The following CHCHD6 variants were observed in gnomAD, a reference collection of about 807,000 sequenced individuals.
CHCHD6 encodes the protein MICOS complex subunit MIC25.
In CHCHD6, 28 loss-of-function variants were observed where a neutral mutation model predicts 32.3. That is an observed-to-expected ratio of 0.87 (90% CI 0.64 to 1.19). CHCHD6 has a LOEUF of 1.19. Among genes scored for constraint, CHCHD6 ranks in the 50% most tolerant of loss-of-function variants. The probability of loss-of-function intolerance (pLI) is 0.00; values close to 1 mark genes in which losing one functional copy is unlikely to be tolerated. For missense variants in CHCHD6, 333 were observed against 307.0 expected (o/e 1.08, Z -0.63); for synonymous variants, 122 against 117.5 (o/e 1.04, Z -0.25).
intron 5 of CHCHD6, among the ~76,000 whole-genome samples, chr3:126,891,636 G>A (rs1576562937): frequency 6.6e-6 from 1 of 152,194 alleles, no homozygotes; most frequent in South Asian, 2.1e-4. Flanking sequence ...AGATCCATTA[G>A]GAGGTGGCTG....
At chr3:126,816,204 C>T (rs1269998608) in intron 4 of CHCHD6, among the ~76,000 whole-genome samples, 1 of 152,126 alleles carries the variant, frequency 6.6e-6, no homozygotes, top group Admixed American at 6.6e-5. Flanking sequence ...TTAATGATAT[C>T]TCCCTTAGCA....
At chr3:126,737,449 A>G (rs1391545640) in intron 4 of CHCHD6, among the ~76,000 whole-genome samples, 2 of 147,626 alleles carry the variant, frequency 1.4e-5, no homozygotes, top group African/African-American at 2.5e-5. Context: ...CATACTCTGT[A>G]TTCCTGTTAT....
At position 126,737,390 on chromosome 3, in the gene CHCHD6, G is replaced by GTATATATATATATATATA. The variant is rs60896630; in HGVS notation, c.411+4180_411+4197dup. 1.8e-4 allele frequency among the ~76,000 whole-genome samples: 24 copies of GTATATATATATATATATA among 132,628 alleles called. 1 individual carries two copies. The highest frequency in any genetic ancestry group is 3.3e-4 in the African/African-American group (12 of 36,494). The allele number at this position is 132,628 out of a possible 152,430, so 87.0% of individuals were successfully genotyped here. On this transcript the variant is annotated intron_variant, in intron 4 of 7. Transcript: ENST00000290913. ...TCTTTTATTATTTTATGATGTGTGA[G>GTATATATATATATATATA]TATATATATATATATATATATATAT... is the stretch of plus-strand genomic sequence containing the variant.
chr3:126,733,179 G>A lies in CHCHD6; in HGVS notation c.368G>A (p.Gly123Asp), dbSNP rs1559811214. The change falls in exon 4 of 8, where the codon GGC becomes GAC. Residue 123 changes from glycine to aspartate, a missense_variant. Coordinates refer to ENST00000290913, the MANE Select transcript of CHCHD6 (RefSeq NM_032343.3). ...CACTCCAAGGCATCCCTGCCCACGG[G>A]CGAAGGCAGCATCAGCCATGAGGAG... Reference protein sequence around the residue: ...TKHSKASLPTGEGSISHEEQK... With the variant: ...TKHSKASLPTDEGSISHEEQK... 2.5e-6 allele frequency: 4 copies of A among 1,614,184 alleles called. No individual in the cohort carries two copies. The highest frequency in any genetic ancestry group is 1.7e-5 in the Admixed American group (1 of 60,024).
intron 6 of CHCHD6, among the ~76,000 whole-genome samples, chr3:126,942,066 G>C (rs559757728): frequency 2.0e-5 from 3 of 152,296 alleles, no homozygotes; most frequent in African/African-American, 7.2e-5. Context: ...CATCTGTAGG[G>C]AGAGCCCCAG....
intron 4 of CHCHD6, among the ~76,000 whole-genome samples, chr3:126,842,345 A>T (rs1040419222): frequency 1.4e-4 from 22 of 152,224 alleles, no homozygotes; most frequent in East Asian, 7.7e-4. Context: ...TCTGCCTTTT[A>T]TCAAAATACT....
At chr3:126,827,206 CATTGTGCAACT>C (rs1276185361) in intron 4 of CHCHD6, among the ~76,000 whole-genome samples, 1 of 152,170 alleles carries the variant, frequency 6.6e-6, no homozygotes, top group Non-Finnish European at 1.5e-5. Context: ...ATTCTCTGGG[CATTGTGCAACT>C]ATTGAAGGCT....
chr3:126,766,979 C>G (rs919850561), intron 4 of CHCHD6: 2 of 907,558 alleles, frequency 2.2e-6, no homozygotes, highest in Non-Finnish European at 1.8e-6. Flanking sequence ...GTGTGGTTAG[C>G]GCCACAGGCT....
Position 126,933,554 on chromosome 3 carries a change from C to T in CHCHD6, c.566+18804C>T, listed in dbSNP as rs117142005. On this transcript the variant is annotated intron_variant, in intron 6 of 7. Transcript: ENST00000290913. ...TTATGGAGGAAGGCAAAGAAGGAGCCGGTGTGTCACCTGGCAAAAGACAGA... is the reference window on the plus strand; with the variant it reads ...TTATGGAGGAAGGCAAAGAAGGAGCTGGTGTGTCACCTGGCAAAAGACAGA... Among the ~76,000 whole-genome samples the T allele has an allele frequency of 3.9e-4, 59 of 152,244 alleles. 1 individual carries two copies. The East Asian group carries it at 0.011, about 29-fold the overall frequency.
intron 4 of CHCHD6, among the ~76,000 whole-genome samples, chr3:126,774,084 A>G (rs1230117204): frequency 1.3e-5 from 2 of 152,100 alleles, no homozygotes; most frequent in Admixed American, 1.3e-4. Context: ...TAAGAGTTTT[A>G]TTTCCTGTTT....
chr3:126,704,372 G>T lies in CHCHD6; in HGVS notation c.60G>T (p.Glu20Asp). Residue 20 changes from glutamate to aspartate, a missense_variant, in exon 1 of 8, where the codon GAG becomes GAT. Glu to Asp is a conservative substitution (Grantham distance 45). Transcript: ENST00000290913. The part of the protein sequence containing the change: ...RRVSFGVDEE[E>D]RVRVLQGVRL... ...TGTCCTTCGGAGTGGACGAGGAGGAGCGGGTCCGGGTGCTGCAGGGTGTCC... is the reference window on the plus strand; with the variant it reads ...TGTCCTTCGGAGTGGACGAGGAGGATCGGGTCCGGGTGCTGCAGGGTGTCC... 6.3e-7 allele frequency: 1 copy of T among 1,578,462 alleles called. No homozygotes were observed. The highest frequency in any genetic ancestry group is 8.6e-7 in the Non-Finnish European group (1 of 1,163,412).
At chr3:126,908,066 C>T (rs945985223) in intron 5 of CHCHD6, among the ~76,000 whole-genome samples, 3 of 81,630 alleles carry the variant, frequency 3.7e-5, no homozygotes, top group East Asian at 7.4e-4. Context: ...TTCAGCTTGC[C>T]GGGAATTGAC....
In CHCHD6 at chr3:126,910,906, G is replaced by A. The variant is rs116178003; in HGVS notation, c.496-3774G>A. Among the ~76,000 whole-genome samples, 650 of 152,280 alleles carry A rather than the reference G, an allele frequency of 4.3e-3. 9 individuals are homozygous for A. The highest frequency in any genetic ancestry group is 0.014 in the African/African-American group (585 of 41,560). Reference sequence around the variant, plus strand: ...TCACACATGTGCCCATGCATGCACAGCACCTCGCCCTGACAAGGACGGGGT... The same window carrying A: ...TCACACATGTGCCCATGCATGCACAACACCTCGCCCTGACAAGGACGGGGT... On this transcript the variant is annotated intron_variant, in intron 5 of 7. Transcript: ENST00000290913.
intron 5 of CHCHD6, among the ~76,000 whole-genome samples, chr3:126,895,650 C>G (rs1334606345): frequency 6.6e-6 from 1 of 152,158 alleles, no homozygotes; most frequent in Non-Finnish European, 1.5e-5. Context: ...GTATTTGTCC[C>G]TTTGTAGTTA....
intron 5 of CHCHD6, among the ~76,000 whole-genome samples, chr3:126,859,704 A>G (rs745787261): frequency 6.6e-6 from 1 of 152,206 alleles, no homozygotes; most frequent in Non-Finnish European, 1.5e-5. Flanking sequence ...GAAGCCATGC[A>G]CACGGCTGAT....
chr3:126,939,839 C>T (rs1240756853), intron 6 of CHCHD6, among the ~76,000 whole-genome samples: 1 of 152,166 alleles, frequency 6.6e-6, no homozygotes, highest in Non-Finnish European at 1.5e-5. Context: ...TCGTTGAGTT[C>T]CTACAATATA....
Position 126,862,708 on chromosome 3 carries a change from TCCTCCTCCTCTACCATCACCA to T in CHCHD6, c.495+9989_495+10009del, listed in dbSNP as rs1941980557. Among the ~76,000 whole-genome samples the T allele has an allele frequency of 9.7e-5, 8 of 82,182 alleles. 1 individual carries two copies. The highest frequency in any genetic ancestry group is 2.7e-4 in the African/African-American group (5 of 18,464). 53.9% of individuals were successfully genotyped at this position (82,182 alleles called of 152,430 possible). ...CTCCCCCTCCTCCACCATCACCACC[TCCTCCTCCTCTACCATCACCA>T]CCTCCTCCTCCACCATCACCACCTC... On this transcript the variant is annotated intron_variant, in intron 5 of 7. Coordinates refer to ENST00000290913, the MANE Select transcript of CHCHD6 (RefSeq NM_032343.3).
chr3:126,789,829 A>G (rs1938430970), intron 4 of CHCHD6, among the ~76,000 whole-genome samples: 1 of 151,752 alleles, frequency 6.6e-6, no homozygotes. Context: ...TTTACATTTA[A>G]GGTTAATATT....
intron 5 of CHCHD6, among the ~76,000 whole-genome samples, chr3:126,888,671 T>A (rs1173466407): frequency 6.6e-6 from 1 of 152,208 alleles, no homozygotes; most frequent in Non-Finnish European, 1.5e-5. Flanking sequence ...GAGACAGCCC[T>A]CGTCTGGTGA....
Sources: allele counts gnomAD v4.1 joint callset (sites outside exome capture counted in the v4.1 genomes callset), GRCh38; gene constraint gnomAD v4.1.1; transcripts MANE v1.5; gene names NCBI Gene and HGNC (gene_info 2026-07-23, HGNC 2026-07-21).